BEND7: variants seen among roughly 807,000 people sequenced by gnomAD.
The protein encoded by BEND7 is BEN domain-containing protein 7.
A neutral mutation model predicts 50.9 loss-of-function variants in BEND7; 28 were observed. The ratio of observed to expected loss-of-function variants is 0.55; its 90% CI spans 0.41 to 0.75. The LOEUF is 0.75. Ranked by LOEUF, BEND7 falls within the 30% of genes least tolerant of loss-of-function variation. The pLI, the probability that BEND7 is intolerant of heterozygous loss-of-function variation, is 0.00. For missense variants in BEND7, 477 were observed against 491.3 expected (o/e 0.97, Z 0.28); for synonymous variants, 170 against 183.9 (o/e 0.92, Z 0.61).
intron 2 of BEND7, among the ~76,000 whole-genome samples, chr10:13,502,367 T>C (rs2077534660): frequency 6.6e-6 from 1 of 152,182 alleles, no homozygotes; most frequent in Admixed American, 6.5e-5. Context: ...AATATTGCTA[T>C]GTGTTGTTGG....
intron 4 of BEND7, among the ~76,000 whole-genome samples, chr10:13,493,350 G>A (rs1455535368): frequency 6.6e-6 from 1 of 152,092 alleles, no homozygotes; most frequent in Non-Finnish European, 1.5e-5. Context: ...AGACAGTGAT[G>A]ATCATTTGCG....
At chr10:13,469,995 A>C (rs2074649635) in intron 6 of BEND7, among the ~76,000 whole-genome samples, 1 of 152,200 alleles carries the variant, frequency 6.6e-6, no homozygotes, top group Non-Finnish European at 1.5e-5. Context: ...CTGGCATCAA[A>C]ATTGTAGATC....
chr10:13,527,701 G>T (rs1158641050), intron 1 of BEND7: 3 of 332,528 alleles, frequency 9.0e-6, no homozygotes, highest in African/African-American at 2.2e-5. Context: ...ATATTTTCAC[G>T]ATGGCTCTTG....
Position 13,502,545 on chromosome 10 carries a change from C to T in BEND7, c.146-2465G>A, listed in dbSNP as rs182285444. Among the ~76,000 whole-genome samples, 61 of 152,250 alleles carry T rather than the reference C, an allele frequency of 4.0e-4. 1 individual carries two copies. Among genetic ancestry groups the T allele is most frequent in the African/African-American group, 1.4e-3 (57 of 41,536 alleles). On this transcript the variant is annotated intron_variant, in intron 2 of 8. Coordinates refer to ENST00000466271, the MANE Select transcript of BEND7 (RefSeq NM_001369863.1). ...GAGTCAGCAAAATTTACTACTTTCTCGAGAGGCTACGGAACAGGGTGTGTC... is the reference window on the plus strand; with the variant it reads ...GAGTCAGCAAAATTTACTACTTTCTTGAGAGGCTACGGAACAGGGTGTGTC...
intron 6 of BEND7, among the ~76,000 whole-genome samples, chr10:13,471,133 G>C (rs574739660): frequency 1.3e-5 from 2 of 152,264 alleles, no homozygotes; most frequent in South Asian, 4.1e-4. Context: ...ATAGACATTT[G>C]TCATTTATTT....
At chr10:13,447,677 G>A (rs1231040017) in intron 7 of BEND7, among the ~76,000 whole-genome samples, 1 of 151,550 alleles carries the variant, frequency 6.6e-6, no homozygotes, top group Non-Finnish European at 1.5e-5. Context: ...CCGAGTAGCT[G>A]GGACTACAGG....
chr10:13,487,306 A>G (rs1473416503), intron 5 of BEND7, among the ~76,000 whole-genome samples: 1 of 152,162 alleles, frequency 6.6e-6, no homozygotes, highest in Non-Finnish European at 1.5e-5. Context: ...TACACGATGA[A>G]GCAAAGATCT....
chr10:13,507,479 T>C (rs1426100977), intron 2 of BEND7, among the ~76,000 whole-genome samples: 2 of 152,152 alleles, frequency 1.3e-5, no homozygotes, highest in African/African-American at 4.8e-5. Flanking sequence ...TTGAGAAACT[T>C]GAGGAGATAA....
chr10:13,483,868 G>T (rs1396005358), intron 5 of BEND7, among the ~76,000 whole-genome samples: 1 of 152,196 alleles, frequency 6.6e-6, no homozygotes, highest in African/African-American at 2.4e-5. Context: ...GAGGGGATAG[G>T]ACAGTGTTTT....
At chr10:13,476,030 C>A (rs1197614690) in intron 6 of BEND7, among the ~76,000 whole-genome samples, 1 of 152,110 alleles carries the variant, frequency 6.6e-6, no homozygotes, top group Non-Finnish European at 1.5e-5. Flanking sequence ...ATAAATAAAT[C>A]GATGCAAATT....
chr10:13,471,606 T>C (rs1275587717), intron 6 of BEND7, among the ~76,000 whole-genome samples: 1 of 152,270 alleles, frequency 6.6e-6, no homozygotes, highest in African/African-American at 2.4e-5. Flanking sequence ...GCAGCTATTC[T>C]GTCTAGTCCT....
At position 13,481,081 on chromosome 10, in the gene BEND7, T is replaced by G. The variant is rs767364240; in HGVS notation, c.881A>C (p.Lys294Thr). 1.2e-6 allele frequency: 2 copies of G among 1,614,108 alleles called. No homozygotes were observed. The highest frequency in any genetic ancestry group is 1.7e-6 in the Non-Finnish European group (2 of 1,180,002). The change falls in exon 6 of 9, where the codon AAA becomes ACA. Residue 294 changes from lysine to threonine, a missense_variant. By Grantham distance (78) the Lys-to-Thr change is moderately conservative (BLOSUM62 -1). Coordinates refer to ENST00000466271, the MANE Select transcript of BEND7 (RefSeq NM_001369863.1). ...TGACAATATAGAGTCCAGCTGAGAT[T>G]TAGGCATAAACACGTCAAAGCCTTC... ...LAEGFDVFMP[K>T]SQLDSILSNY...
intron 6 of BEND7, among the ~76,000 whole-genome samples, chr10:13,466,938 C>T (rs938728916): frequency 6.6e-6 from 1 of 152,088 alleles, no homozygotes; most frequent in Admixed American, 6.5e-5. Flanking sequence ...GCAGGAGGCT[C>T]AGGTCAGACC....
intron 1 of BEND7, among the ~76,000 whole-genome samples, 175 bp from the exon 2 acceptor site, chr10:13,526,396 C>A (rs1465374090): frequency 6.6e-6 from 1 of 152,158 alleles, no homozygotes; most frequent in East Asian, 1.9e-4. Context: ...TAAAACTTTG[C>A]TTATTCTGGA....
chr10:13,489,381 A>G (rs7919627), intron 5 of BEND7, among the ~76,000 whole-genome samples: 32,454 of 152,108 alleles, frequency 0.21, 3,649 homozygotes, highest in African/African-American at 0.27. Context: ...TGTTCGTCAC[A>G]CACAGGCATT....
chr10:13,479,223 G>A (rs1436199282), intron 6 of BEND7, among the ~76,000 whole-genome samples: 2 of 151,926 alleles, frequency 1.3e-5, no homozygotes, highest in South Asian at 2.1e-4. Context: ...TGGCCAGGCT[G>A]GTCTTGAACT....
intron 6 of BEND7, among the ~76,000 whole-genome samples, chr10:13,459,160 T>A (rs943325184): frequency 2.6e-5 from 4 of 152,070 alleles, no homozygotes; most frequent in African/African-American, 4.8e-5. Context: ...TCCTCCCATG[T>A]TGAACTTGAG....
intron 5 of BEND7, among the ~76,000 whole-genome samples, chr10:13,488,715 C>T (rs2076431681): frequency 6.6e-6 from 1 of 152,156 alleles, no homozygotes; most frequent in South Asian, 2.1e-4. Context: ...TCTCAATCTC[C>T]TGACCTCCTG....
chr10:13,445,145 G>A (rs1360176277), intron 8 of BEND7: 2 of 152,052 alleles, frequency 1.3e-5, no homozygotes, highest in African/African-American at 4.8e-5. Context: ...AATGATAAAC[G>A]TTTTTATTTA....
Sources: gnomAD v4.1 joint callset for allele counts (sites outside exome capture counted in the v4.1 genomes callset) on GRCh38, gnomAD v4.1.1 for gene constraint, MANE v1.5 for transcripts, NCBI Gene and HGNC (gene_info 2026-07-23, HGNC 2026-07-21) for gene names.